PRKG1: variants seen among roughly 807,000 people sequenced by gnomAD.
The protein encoded by PRKG1 is protein kinase cGMP-dependent 1.
PRKG1 carries 35 observed loss-of-function variants against 88.1 expected under a neutral mutation model. The observed-to-expected ratio is 0.40, with a 90% CI of 0.30 to 0.53. The LOEUF (loss-of-function observed/expected upper bound fraction) is 0.53. Among genes scored for constraint, PRKG1 ranks in the 20% least tolerant of loss-of-function variants. PRKG1 has a pLI of 0.59. For missense variants in PRKG1, 540 were observed against 839.8 expected (o/e 0.64, Z 4.41); for synonymous variants, 303 against 292.5 (o/e 1.04, Z -0.37).
At chr10:51,526,476 G>A (rs1443016161) in intron 3 of PRKG1, among the ~76,000 whole-genome samples, 2 of 152,070 alleles carry the variant, frequency 1.3e-5, no homozygotes, top group Admixed American at 1.3e-4. Flanking sequence ...TTGTATTGGG[G>A]CAGAACTGAT....
intron 2 of PRKG1, among the ~76,000 whole-genome samples, chr10:51,231,568 T>G (rs1838845713): frequency 6.6e-6 from 1 of 152,200 alleles, no homozygotes; most frequent in Non-Finnish European, 1.5e-5. Context: ...GGAATTTACC[T>G]TTCTTTGGAA....
chr10:51,378,988 C>A (rs1394468476), intron 2 of PRKG1, among the ~76,000 whole-genome samples: 1 of 152,066 alleles, frequency 6.6e-6, no homozygotes, highest in African/African-American at 2.4e-5. Context: ...TTTATGCTGA[C>A]CTTGAATATA....
intron 1 of PRKG1, among the ~76,000 whole-genome samples, chr10:51,027,110 G>A (rs918297271): frequency 1.3e-5 from 2 of 152,186 alleles, no homozygotes; most frequent in African/African-American, 4.8e-5. Context: ...TTTCAAGGTG[G>A]TGACTGCAGA....
At chr10:52,286,221 C>A (rs895092376) in intron 14 of PRKG1, among the ~76,000 whole-genome samples, 1 of 152,028 alleles carries the variant, frequency 6.6e-6, no homozygotes, top group African/African-American at 2.4e-5. Context: ...GGAGTGAAGA[C>A]AGTTAAAGTT....
At chr10:52,161,813 T>C in intron 8 of PRKG1, 76 bp from the exon 9 acceptor site, 1 of 1,219,396 alleles carries the variant, frequency 8.2e-7, no homozygotes, top group Non-Finnish European at 1.2e-6. Flanking sequence ...TTAGATTGTT[T>C]CACTATATCA....
intron 3 of PRKG1, among the ~76,000 whole-genome samples, chr10:51,658,805 A>G (rs1335989407): frequency 6.6e-6 from 1 of 152,030 alleles, no homozygotes. Context: ...TCTCCTTGAA[A>G]TATTAGCAGA....
intron 8 of PRKG1, among the ~76,000 whole-genome samples, chr10:52,146,969 A>T (rs1351458726): frequency 1.3e-5 from 2 of 152,190 alleles, no homozygotes; most frequent in Non-Finnish European, 2.9e-5. Context: ...CATTAGTTAC[A>T]TCACCGTCCT....
At chr10:51,793,138 C>CAAAAAAAAAAAAAAAAAAAAAAAAAAAAA (rs775904836) in intron 3 of PRKG1, among the ~76,000 whole-genome samples, 1 of 69,760 alleles carries the variant, frequency 1.4e-5, no homozygotes, top group African/African-American at 6.0e-5. Flanking sequence ...CAGCACACTG[C>CAAAAAAAAAAAAAAAAAAAAAAAAAAAAA]AAAAAAAAAA....
chr10:51,055,351 C>A (rs1285103773), intron 1 of PRKG1, among the ~76,000 whole-genome samples: 1 of 151,946 alleles, frequency 6.6e-6, no homozygotes, highest in Non-Finnish European at 1.5e-5. Context: ...AAATTCCTGT[C>A]CCCTCATTAA....
intron 1 of PRKG1, among the ~76,000 whole-genome samples, chr10:51,013,081 C>T (rs1024340524): frequency 3.3e-5 from 5 of 152,154 alleles, no homozygotes; most frequent in Non-Finnish European, 5.9e-5. Context: ...TATAGAAGGT[C>T]CAGCTCATCC....
chr10:51,200,541 T>C (rs1300484865), intron 2 of PRKG1, among the ~76,000 whole-genome samples: 1 of 152,210 alleles, frequency 6.6e-6, no homozygotes, highest in African/African-American at 2.4e-5. Flanking sequence ...TTGTCTCCCT[T>C]ACCAGATTGT....
At chr10:51,125,006 C>T (rs984941146) in intron 1 of PRKG1, among the ~76,000 whole-genome samples, 3 of 152,226 alleles carry the variant, frequency 2.0e-5, no homozygotes, top group African/African-American at 7.2e-5. Context: ...CTTAGACATT[C>T]TCCATATTGC....
intron 5 of PRKG1, among the ~76,000 whole-genome samples, chr10:51,915,655 T>C (rs932478631): frequency 1.6e-4 from 24 of 152,276 alleles, no homozygotes; most frequent in Middle Eastern, 3.4e-3. Flanking sequence ...TCTCCACGTC[T>C]TATTTACAAA....
intron 12 of PRKG1, among the ~76,000 whole-genome samples, chr10:52,277,299 C>T (rs756693181): frequency 6.6e-6 from 1 of 152,102 alleles, no homozygotes; most frequent in Non-Finnish European, 1.5e-5. Flanking sequence ...TTAGCCTTGG[C>T]AGTCAGAAGC....
intron 3 of PRKG1, among the ~76,000 whole-genome samples, chr10:51,660,972 A>G (rs1431612107): frequency 6.6e-6 from 1 of 152,110 alleles, no homozygotes; most frequent in Non-Finnish European, 1.5e-5. Flanking sequence ...TTAAATTGGA[A>G]CATAAATCAC....
intron 5 of PRKG1, among the ~76,000 whole-genome samples, chr10:51,951,850 G>C (rs898659601): frequency 1.3e-5 from 2 of 152,120 alleles, no homozygotes; most frequent in Admixed American, 1.3e-4. Context: ...CAGCATGCCT[G>C]TTTTTGTATG....
intron 5 of PRKG1, among the ~76,000 whole-genome samples, chr10:52,040,383 G>C (rs1845725887): frequency 6.6e-6 from 1 of 152,168 alleles, no homozygotes; most frequent in Admixed American, 6.5e-5. Flanking sequence ...CTATTTTCAA[G>C]TTCTGCTGAA....
intron 7 of PRKG1, among the ~76,000 whole-genome samples, chr10:52,079,210 T>C (rs1425994116): frequency 1.3e-5 from 2 of 152,196 alleles, no homozygotes; most frequent in African/African-American, 2.4e-5. Context: ...TCCCATTCAT[T>C]CATTTATCTC....
intron 3 of PRKG1, among the ~76,000 whole-genome samples, chr10:51,567,391 G>A (rs1433048895): frequency 1.3e-5 from 2 of 152,004 alleles, no homozygotes; most frequent in African/African-American, 4.8e-5. Context: ...ACTTTTCTGA[G>A]TAAACAAGGG....
Sources: allele counts gnomAD v4.1 joint callset (sites outside exome capture counted in the v4.1 genomes callset), GRCh38; gene constraint gnomAD v4.1.1; transcripts MANE v1.5; gene names NCBI Gene and HGNC (gene_info 2026-07-23, HGNC 2026-07-21).